Variants in GJA8 observed in about 807,000 individuals in gnomAD.
GJA8 encodes gap junction protein alpha 8.
Under a neutral mutation model 15.3 loss-of-function variants are expected in GJA8, and 13 were observed. The observed-to-expected ratio is 0.85, with a 90% CI of 0.55 to 1.35. GJA8 has a LOEUF of 1.35. GJA8 is among the 40% of genes most tolerant of loss of function. The pLI, the probability that GJA8 is intolerant of heterozygous loss-of-function variation, is 0.00. For missense variants in GJA8, 607 were observed against 553.3 expected (o/e 1.10, Z -0.97); for synonymous variants, 304 against 238.7 (o/e 1.27, Z -2.52).
At position 147,908,468 on chromosome 1, in the gene GJA8, C is replaced by T; in HGVS notation, c.513C>T (p.Phe171=). 6.2e-7 allele frequency: 1 copy of T among 1,614,228 alleles called. No homozygotes were observed. The highest frequency in any genetic ancestry group is 8.5e-7 in the Non-Finnish European group (1 of 1,180,034). The change falls in exon 2 of 2, where the codon TTC becomes TTT. Residue 171 remains phenylalanine, a synonymous_variant. Transcript: ENST00000369235. Reference sequence around the variant, plus strand: ...TGGGCTTCATCGTGGGCCACTACTTCCTGTACGGGTTCCGGATCCTGCCTC... The same window carrying T: ...TGGGCTTCATCGTGGGCCACTACTTTCTGTACGGGTTCCGGATCCTGCCTC... ...FEVGFIVGHY[F]LYGFRILPLY... is the part of the protein sequence containing the mutation.
At chr1:147,913,468 T>C (rs979021771), downstream of GJA8, among the ~76,000 whole-genome samples, 19 of 152,292 alleles carry the variant, frequency 1.2e-4, no homozygotes, top group African/African-American at 3.6e-4. Context: ...AAAGAGGTGC[T>C]AAAGGTACTC....
chr1:147,909,739 C>CT (rs1181404677), downstream of GJA8, among the ~76,000 whole-genome samples: 1 of 152,164 alleles, frequency 6.6e-6, no homozygotes, highest in African/African-American at 2.4e-5. Context: ...CAAGACAGGC[C>CT]TGTTCTAATG....
At position 147,909,059 on chromosome 1, in the gene GJA8, G is replaced by A. The variant is rs145146702; in HGVS notation, c.1104G>A (p.Glu368=). 112 of 1,603,812 alleles carry A rather than the reference G, an allele frequency of 7.0e-5. No homozygotes were observed. The African/African-American group carries it at 1.3e-3, about 18-fold the overall frequency. ...AGCAGGAGAAGGTGGCCGTGCCAGA[G>A]GGGGAGAAAGTAGAGACCCCCGGAG... ...TEEQEKVAVP[E]GEKVETPGVD... The change falls in exon 2 of 2, where the codon GAG becomes GAA. Residue 368 remains glutamate (E), a synonymous_variant. Transcript: ENST00000369235.
chr1:147,908,270 G>A lies in GJA8; in HGVS notation c.315G>A (p.Lys105=). Residue 105 remains lysine (K), a synonymous_variant, in exon 2 of 2, where the codon AAG becomes AAA. Transcript: ENST00000369235. ...HAVHYVRMEE[K]RKSREAEELG... Reference sequence around the variant, plus strand: ...TGCACTACGTCCGCATGGAGGAGAAGCGCAAAAGCCGCGAGGCGGAGGAGC... The same window carrying A: ...TGCACTACGTCCGCATGGAGGAGAAACGCAAAAGCCGCGAGGCGGAGGAGC... 6.2e-7 allele frequency: 1 copy of A among 1,614,218 alleles called. No homozygotes were observed. Among genetic ancestry groups the A allele is most frequent in the Admixed American group, 1.7e-5 (1 of 60,036 alleles).
downstream of GJA8, among the ~76,000 whole-genome samples, chr1:147,911,176 C>G (rs1274466563): frequency 6.6e-6 from 1 of 152,158 alleles, no homozygotes; most frequent in East Asian, 1.9e-4. Context: ...AAAAGGGATA[C>G]TTAGAAAAAC....
chr1:147,903,934 C>CTTCTTT (rs782745807), intron 1 of GJA8, among the ~76,000 whole-genome samples: 2 of 134,616 alleles, frequency 1.5e-5, no homozygotes, highest in Non-Finnish European at 3.1e-5. Context: ...TTTAATAACT[C>CTTCTTT]TTTTTTTTTT....
Position 147,908,381 on chromosome 1 carries a change from G to C in GJA8, c.426G>C (p.Arg142=). ...GCAGCAAAGGCACTAAGAAGTTCCG[G>C]CTGGAGGGGACCCTGCTGAGGACCT... The part of the protein sequence containing the change: ...SSGSKGTKKF[R]LEGTLLRTYI... The change falls in exon 2 of 2, where the codon CGG becomes CGC. Residue 142 remains arginine, a synonymous_variant. Transcript: ENST00000369235. 1.2e-6 allele frequency: 2 copies of C among 1,614,200 alleles called. No individual in the cohort carries two copies. Among genetic ancestry groups the C allele is most frequent in the Non-Finnish European group, 1.7e-6 (2 of 1,180,036 alleles).
downstream of GJA8, chr1:147,909,398 C>A (rs1652004608): frequency 4.3e-6 from 3 of 695,906 alleles, no homozygotes; most frequent in Non-Finnish European, 7.6e-6. Flanking sequence ...CAGGGCAGTG[C>A]ACTCCAGGCA....
chr1:147,913,175 A>G (rs1553243700), downstream of GJA8, among the ~76,000 whole-genome samples: 1 of 152,136 alleles, frequency 6.6e-6, no homozygotes, highest in Non-Finnish European at 1.5e-5. Flanking sequence ...CCTCCTTCAC[A>G]AGATGTTATA....
chr1:147,910,292 G>C (rs1365963648), downstream of GJA8, among the ~76,000 whole-genome samples: 1 of 152,204 alleles, frequency 6.6e-6, no homozygotes, highest in Non-Finnish European at 1.5e-5. Context: ...TGCAATATCA[G>C]CTTATGCTAA....
chr1:147,909,397 G>A (rs1652004495), downstream of GJA8: 2 of 696,262 alleles, frequency 2.9e-6, no homozygotes, highest in Admixed American at 5.0e-5. Flanking sequence ...GCAGGGCAGT[G>A]CACTCCAGGC....
At chr1:147,903,897 A>C (rs1350960263) in intron 1 of GJA8, among the ~76,000 whole-genome samples, 3 of 151,998 alleles carry the variant, frequency 2.0e-5, no homozygotes, top group African/African-American at 4.8e-5. Context: ...AATGATGATG[A>C]AAATAGACTG....
At position 147,904,825 on chromosome 1, in the gene GJA8, G is replaced by C. The variant is rs145960653; in HGVS notation, c.-12+1964G>C. 3.9e-3 allele frequency among the ~76,000 whole-genome samples: 596 copies of C among 152,136 alleles called. 3 individuals are homozygous for C. Among genetic ancestry groups the C allele is most frequent in the African/African-American group, 0.014 (565 of 41,500 alleles). ...CCTAAATTACAGTTTCTCTCCTTCAGTTATCACAAGAAACTGTAACTAGAC... is the reference window on the plus strand; with the variant it reads ...CCTAAATTACAGTTTCTCTCCTTCACTTATCACAAGAAACTGTAACTAGAC... On this transcript the variant is annotated intron_variant, in intron 1 of 1. Transcript: ENST00000369235.
intron 1 of GJA8, among the ~76,000 whole-genome samples, chr1:147,906,449 T>A (rs1018442716): frequency 2.0e-5 from 3 of 152,202 alleles, no homozygotes; most frequent in Non-Finnish European, 4.4e-5. Flanking sequence ...TTATATACTA[T>A]CATGTTTAAC....
downstream of GJA8, among the ~76,000 whole-genome samples, chr1:147,911,469 A>G (rs1384225276): frequency 1.3e-5 from 2 of 152,182 alleles, no homozygotes; most frequent in African/African-American, 4.8e-5. Context: ...AGACTAAAAT[A>G]TATTTTTACC....
chr1:147,906,883 C>CT (rs1250729477), intron 1 of GJA8, among the ~76,000 whole-genome samples: 5 of 151,864 alleles, frequency 3.3e-5, no homozygotes, highest in East Asian at 1.9e-4. Flanking sequence ...TTTCTTTTTT[C>CT]TTTTTTTTCT....
chr1:147,910,973 G>C (rs1652094614), downstream of GJA8, among the ~76,000 whole-genome samples: 1 of 152,180 alleles, frequency 6.6e-6, no homozygotes, highest in Non-Finnish European at 1.5e-5. Context: ...AAATCCTCAT[G>C]TACACGTACA....
At chr1:147,909,275 A>AAG, downstream of GJA8, 1 of 1,553,836 alleles carries the variant, frequency 6.4e-7, no homozygotes. Flanking sequence ...CCAAAGAAAA[A>AAG]AAAAAAAACG....
intron 1 of GJA8, among the ~76,000 whole-genome samples, 42 bp downstream of exon 1, chr1:147,902,903 C>T (rs72702364): frequency 0.031 from 4,770 of 152,282 alleles, 92 homozygotes; most frequent in Non-Finnish European, 0.046. Flanking sequence ...ACCTTCCCCC[C>T]AATTGTTCTT....
Sources: gnomAD v4.1 joint callset for allele counts (sites outside exome capture counted in the v4.1 genomes callset) on GRCh38, gnomAD v4.1.1 for gene constraint, MANE v1.5 for transcripts, NCBI Gene and HGNC (gene_info 2026-07-23, HGNC 2026-07-21) for gene names.